The following PREP variants were observed in gnomAD, a reference collection of about 807,000 sequenced individuals.
PREP encodes dJ355L5.1 (prolyl endopeptidase).
PREP carries 29 observed loss-of-function variants against 87.6 expected under a neutral mutation model. The observed-to-expected ratio is 0.33, with a 90% CI of 0.25 to 0.45. PREP has a LOEUF of 0.45. Ranked by LOEUF, PREP falls within the 20% of genes least tolerant of loss-of-function variation. PREP has a pLI of 1.00. For synonymous variants in PREP, 337 were observed against 328.6 expected (o/e 1.03, Z -0.28); for missense variants, 695 against 886.5 (o/e 0.78, Z 2.74).
rs376236808 is a variant in PREP at position 105,373,527 on chromosome 6, C to T, written c.437G>A (p.Ser146Asn). The T allele has an allele frequency of 4.3e-6, 7 of 1,614,246 alleles. No individual in the cohort carries two copies. Among genetic ancestry groups the T allele is most frequent in the Non-Finnish European group, 5.9e-6 (7 of 1,180,040 alleles). The change falls in exon 5 of 15, where the codon AGT becomes AAT. Residue 146 changes from serine (S) to asparagine (N), a missense_variant. Physicochemically the swap from Ser to Asn is conservative, Grantham distance 46. This residue lies in a region of PREP where 517 missense variants were observed against 620.3 expected (regional missense o/e 0.83). Coordinates refer to ENST00000652536, the MANE Select transcript of PREP (RefSeq NM_002726.5). ...GEYFAYGLSA[S>N]GSDWVTIKFM... ...CTTGATTGTCACCCAGTCTGAGCCA[C>T]TGGCACTCAGACCATAGGCAAAATA...
intron 6 of PREP, among the ~76,000 whole-genome samples, chr6:105,365,879 C>CT (rs35617234): frequency 0.014 from 2,023 of 146,134 alleles, 19 homozygotes; most frequent in Non-Finnish European, 0.021. Context: ...GTTCCTTTAG[C>CT]TTTTTTTTTT....
chr6:105,364,828 C>A (rs1078725), intron 6 of PREP, among the ~76,000 whole-genome samples: 1 of 152,106 alleles, frequency 6.6e-6, no homozygotes, highest in Non-Finnish European at 1.5e-5. Flanking sequence ...TCTCTCATCA[C>A]AGACACTGTA....
intron 10 of PREP, among the ~76,000 whole-genome samples, chr6:105,312,532 C>T (rs1770778542): frequency 6.6e-6 from 1 of 152,194 alleles, no homozygotes; most frequent in Non-Finnish European, 1.5e-5. Context: ...CCTCAGAGTA[C>T]TCAACTGTTT....
chr6:105,322,772 C>G, intron 10 of PREP: 1 of 1,049,186 alleles, frequency 9.5e-7, no homozygotes, highest in Non-Finnish European at 1.2e-6. Context: ...AGCCCACCAC[C>G]TGTTTTAGTA....
chr6:105,340,015 A>G, intron 7 of PREP, among the ~76,000 whole-genome samples: 1 of 152,234 alleles, frequency 6.6e-6, no homozygotes, highest in African/African-American at 2.4e-5. Context: ...AGGCAGGCCA[A>G]CATTCAAATT....
rs1769968722 is a variant in PREP at position 105,277,475 on chromosome 6, C to CCAA, written c.*666_*668dup. On this transcript the variant is annotated 3_prime_UTR_variant, in exon 15 of 15. Transcript: ENST00000652536. ...AAAGAGCCCCAGATCAGATTTTTAC[C>CCAA]CAACTAAGTGGTCAGTGTTTGTTTA... 1.3e-5 allele frequency: 2 copies of CCAA among 151,852 alleles called. No homozygotes were observed. Among genetic ancestry groups the CCAA allele is most frequent in the Admixed American group, 6.6e-5 (1 of 15,234 alleles). The allele number at this position is 151,852 out of a possible 1,614,324, so 9.4% of individuals were successfully genotyped here. A position where few individuals can be genotyped will look rare whatever the true frequency, so the allele number is the denominator to read the frequency against.
chr6:105,384,579 A>G (rs968844515), intron 2 of PREP, among the ~76,000 whole-genome samples: 32 of 152,202 alleles, frequency 2.1e-4, no homozygotes, highest in African/African-American at 6.0e-4. Context: ...CGTTGTTTAT[A>G]TAAGTAAACC....
chr6:105,370,574 G>T (rs1209987208), intron 5 of PREP, among the ~76,000 whole-genome samples: 1 of 152,102 alleles, frequency 6.6e-6, no homozygotes, highest in African/African-American at 2.4e-5. Flanking sequence ...CCTGCATACA[G>T]ATTTTTTACA....
chr6:105,384,968 T>C (rs984692384), intron 2 of PREP, among the ~76,000 whole-genome samples: 3 of 152,186 alleles, frequency 2.0e-5, no homozygotes, highest in Non-Finnish European at 4.4e-5. Context: ...CTCCTCTTTT[T>C]ATGTGAGCTG....
chr6:105,327,007 A>G (rs1216069629), intron 9 of PREP, among the ~76,000 whole-genome samples: 1 of 152,190 alleles, frequency 6.6e-6, no homozygotes, highest in Non-Finnish European at 1.5e-5. Flanking sequence ...GGTAATGATG[A>G]GCTTGTTCCT....
chr6:105,324,804 C>G (rs1771106084), intron 9 of PREP, among the ~76,000 whole-genome samples: 1 of 152,182 alleles, frequency 6.6e-6, no homozygotes, highest in Non-Finnish European at 1.5e-5. Context: ...CTGCCCCCGA[C>G]CGGAAAGGAG....
intron 10 of PREP, among the ~76,000 whole-genome samples, chr6:105,292,695 AGAT>A (rs1297379809): frequency 6.6e-6 from 1 of 152,226 alleles, no homozygotes; most frequent in Non-Finnish European, 1.5e-5. Context: ...TGAAAGTCTG[AGAT>A]GATATCTTCT....
intron 7 of PREP, among the ~76,000 whole-genome samples, chr6:105,352,625 G>C (rs1171794533): frequency 6.6e-6 from 1 of 152,136 alleles, no homozygotes; most frequent in African/African-American, 2.4e-5. Context: ...CCCTAGGATT[G>C]CAGGTATGAT....
chr6:105,356,463 T>C (rs553560433), intron 6 of PREP, among the ~76,000 whole-genome samples: 78 of 152,356 alleles, frequency 5.1e-4, no homozygotes, highest in African/African-American at 1.8e-3. Flanking sequence ...GCTTAACAGT[T>C]AGCCGAAAAC....
At chr6:105,336,582 G>A (rs1771485456) in intron 7 of PREP, among the ~76,000 whole-genome samples, 1 of 152,174 alleles carries the variant, frequency 6.6e-6, no homozygotes, top group African/African-American at 2.4e-5. Flanking sequence ...TTTTATTGAA[G>A]TATTATCTCT....
chr6:105,304,125 A>G (rs544624734), intron 10 of PREP, among the ~76,000 whole-genome samples: 1 of 152,336 alleles, frequency 6.6e-6, no homozygotes, highest in Non-Finnish European at 1.5e-5. Context: ...TTTAAACCCA[A>G]CAAAAAATAA....
chr6:105,282,707 C>T, intron 12 of PREP, 125 bp from the exon 13 acceptor site: 8 of 1,095,046 alleles, frequency 7.3e-6, no homozygotes, highest in Non-Finnish European at 1.0e-5. Context: ...TGGGTTAACA[C>T]TGCATTTAAA....
chr6:105,308,136 G>A (rs1452050568), intron 10 of PREP, among the ~76,000 whole-genome samples: 1 of 152,016 alleles, frequency 6.6e-6, no homozygotes, highest in African/African-American at 2.4e-5. Flanking sequence ...ATACTGAGAA[G>A]TGAAGAAGGA....
intron 10 of PREP, among the ~76,000 whole-genome samples, chr6:105,297,110 G>A (rs528408379): frequency 6.6e-6 from 1 of 152,136 alleles, no homozygotes; most frequent in Non-Finnish European, 1.5e-5. Context: ...TCTTGCTTGG[G>A]CTAATAGCAA....
Sources: allele counts gnomAD v4.1 joint callset (sites outside exome capture counted in the v4.1 genomes callset), GRCh38; gene constraint gnomAD v4.1.1; regional missense constraint gnomAD v4.1.1; transcripts MANE v1.5; gene names NCBI Gene and HGNC (gene_info 2026-07-23, HGNC 2026-07-21).